The following CEP128 variants were observed in gnomAD, a reference collection of about 807,000 sequenced individuals.
CEP128 encodes centrosomal protein 128, also known as centrosomal protein 128kDa.
CEP128 carries 132 observed loss-of-function variants against 156.7 expected under a neutral mutation model. That is an observed-to-expected ratio of 0.84 (90% CI 0.73 to 0.97). The LOEUF is 0.97. CEP128 is among the 50% of genes least tolerant of loss of function. The pLI is 0.00. For missense variants in CEP128, 1,252 were observed against 1,281.9 expected, an observed-to-expected ratio of 0.98 and a Z score of 0.36; for synonymous variants, 469 against 448.9, an observed-to-expected ratio of 1.04 and a Z score of -0.57.
At chr14:80,800,298 C>T (rs1883765975) in intron 13 of CEP128, among the ~76,000 whole-genome samples, 1 of 152,138 alleles carries the variant, frequency 6.6e-6, no homozygotes, top group Non-Finnish European at 1.5e-5. Context: ...GAATGATAAC[C>T]TACATGAAGA....
chr14:80,598,462 A>C (rs527541603), intron 19 of CEP128, among the ~76,000 whole-genome samples: 1 of 152,288 alleles, frequency 6.6e-6, no homozygotes, highest in Admixed American at 6.5e-5. Context: ...GTCATGAAAG[A>C]AATTAAAGGA....
chr14:80,733,260 C>A (rs1210438311), intron 19 of CEP128, among the ~76,000 whole-genome samples: 2 of 151,900 alleles, frequency 1.3e-5, no homozygotes, highest in Non-Finnish European at 2.9e-5. Context: ...AAGACTGGAA[C>A]TATACCATAG....
chr14:80,679,988 G>A (rs745612088), intron 19 of CEP128, among the ~76,000 whole-genome samples: 6 of 152,208 alleles, frequency 3.9e-5, no homozygotes, highest in Non-Finnish European at 5.9e-5. Flanking sequence ...GGGTTCCCCC[G>A]ATAGGTCCAT....
intron 19 of CEP128, among the ~76,000 whole-genome samples, chr14:80,611,885 C>T (rs1893007813): frequency 6.6e-6 from 1 of 152,022 alleles, no homozygotes; most frequent in South Asian, 2.1e-4. Flanking sequence ...TGGTGAAACC[C>T]TGTCACTACT....
At chr14:80,924,822 C>T (rs1885060933) in intron 2 of CEP128, among the ~76,000 whole-genome samples, 1 of 151,704 alleles carries the variant, frequency 6.6e-6, no homozygotes, top group African/African-American at 2.4e-5. Flanking sequence ...CTGAAGGATC[C>T]TGAGTGGGGA....
intron 21 of CEP128, among the ~76,000 whole-genome samples, chr14:80,538,982 C>T (rs563663135): frequency 6.6e-6 from 1 of 152,276 alleles, no homozygotes; most frequent in Admixed American, 6.5e-5. Flanking sequence ...GAATATATGT[C>T]CCCAGCATTC....
intron 16 of CEP128, among the ~76,000 whole-genome samples, chr14:80,763,468 C>A (rs1308263994): frequency 1.3e-5 from 2 of 152,092 alleles, no homozygotes; most frequent in African/African-American, 2.4e-5. Context: ...TAGAAAGCAA[C>A]ATTATTACTA....
chr14:80,712,786 A>T (rs778909880), intron 19 of CEP128, among the ~76,000 whole-genome samples: 1 of 152,164 alleles, frequency 6.6e-6, no homozygotes, highest in Non-Finnish European at 1.5e-5. Flanking sequence ...GAAACACATC[A>T]GCTATTTTAC....
At chr14:80,856,934 G>A (rs1281290017) in intron 9 of CEP128, among the ~76,000 whole-genome samples, 1 of 151,102 alleles carries the variant, frequency 6.6e-6, no homozygotes, top group Non-Finnish European at 1.5e-5. Flanking sequence ...TTTTAGTAGA[G>A]ACGGGGTTTC....
chr14:80,892,448 T>C (rs1248258906), intron 8 of CEP128, among the ~76,000 whole-genome samples: 1 of 152,008 alleles, frequency 6.6e-6, no homozygotes, highest in African/African-American at 2.4e-5. Context: ...ATAAAATTCC[T>C]ATAAGAGAAC....
intron 2 of CEP128, among the ~76,000 whole-genome samples, chr14:80,936,861 C>A (rs1190333216): frequency 1.3e-5 from 2 of 151,682 alleles, no homozygotes; most frequent in Non-Finnish European, 2.9e-5. Flanking sequence ...GATGAAAAAA[C>A]CTCTCACTCG....
intron 19 of CEP128, among the ~76,000 whole-genome samples, chr14:80,688,665 C>T (rs752180255): frequency 9.9e-5 from 15 of 152,092 alleles, no homozygotes; most frequent in Non-Finnish European, 1.5e-4. Context: ...TGAGTTGATG[C>T]CAGCTGTTTC....
intron 22 of CEP128, among the ~76,000 whole-genome samples, chr14:80,529,876 A>C (rs1427232477): frequency 6.6e-6 from 1 of 152,222 alleles, no homozygotes; most frequent in African/African-American, 2.4e-5. Flanking sequence ...TAGTTACTGA[A>C]CTACCAAAAG....
intron 21 of CEP128, among the ~76,000 whole-genome samples, chr14:80,545,217 C>T (rs1210948718): frequency 6.6e-6 from 1 of 152,144 alleles, no homozygotes; most frequent in East Asian, 1.9e-4. Context: ...AAGAAGGAAC[C>T]ATGCTTCCTA....
rs528269986 is a variant in CEP128 at position 80,479,542 on chromosome 14, G to A, written c.*311-1135C>T. 8.5e-4 allele frequency among the ~76,000 whole-genome samples: 129 copies of A among 152,208 alleles called. 1 individual carries two copies. In the Middle Eastern group the frequency reaches 0.014, roughly 16 times the overall value. The stretch of plus-strand genomic sequence containing the variant: ...TTATTCACTATCATGAGAATATCAC[G>A]GGAAAGATAGGCCCCCATGATTGAA... On this transcript the variant is annotated intron_variant and NMD_transcript_variant, in intron 14 of 14. Coordinates refer to the CEP128 transcript ENST00000554502.
intron 8 of CEP128, among the ~76,000 whole-genome samples, chr14:80,865,011 T>C (rs888403687): frequency 1.3e-5 from 2 of 152,210 alleles, no homozygotes; most frequent in African/African-American, 2.4e-5. Context: ...ATTTTGTACA[T>C]TAGCTCTCTA....
intron 13 of CEP128, among the ~76,000 whole-genome samples, chr14:80,801,416 A>G (rs1254521921): frequency 1.3e-5 from 2 of 152,160 alleles, no homozygotes; most frequent in African/African-American, 4.8e-5. Flanking sequence ...ACGTCCCATC[A>G]ATACCTAGTT....
intron 20 of CEP128, among the ~76,000 whole-genome samples, chr14:80,573,922 A>G (rs1891251138): frequency 6.6e-6 from 1 of 152,160 alleles, no homozygotes; most frequent in South Asian, 2.1e-4. Flanking sequence ...CATTGCTTAG[A>G]ACAATTATTT....
At chr14:80,909,540 G>C (rs1216757478) in intron 4 of CEP128, among the ~76,000 whole-genome samples, 2 of 151,982 alleles carry the variant, frequency 1.3e-5, no homozygotes, top group East Asian at 3.9e-4. Context: ...AGATATATCC[G>C]AAGCCATTGA....
Sources: gnomAD v4.1 joint callset for allele counts (sites outside exome capture counted in the v4.1 genomes callset) on GRCh38, gnomAD v4.1.1 for gene constraint, MANE v1.5 for transcripts, NCBI Gene and HGNC (gene_info 2026-07-23, HGNC 2026-07-21) for gene names.